COPB1: variants seen among roughly 807,000 people sequenced by gnomAD.
The protein encoded by COPB1 is coatomer subunit beta.
A neutral mutation model predicts 108.7 loss-of-function variants in COPB1; 21 were observed. The observed-to-expected ratio is 0.19, with a 90% CI of 0.14 to 0.28. The LOEUF (loss-of-function observed/expected upper bound fraction) is 0.28. Among genes scored for constraint, COPB1 ranks in the 10% least tolerant of loss-of-function variants. The probability of loss-of-function intolerance (pLI) is 1.00; values close to 1 mark genes in which losing one functional copy is unlikely to be tolerated. For synonymous variants in COPB1, 378 were observed against 386.8 expected, an observed-to-expected ratio of 0.98 and a Z score of 0.27; for missense variants, 919 against 1,141.3, an observed-to-expected ratio of 0.81 and a Z score of 2.81.
chr11:14,494,137 A>C, intron 3 of COPB1, 73 bp downstream of exon 3: 2 of 1,042,132 alleles, frequency 1.9e-6, no homozygotes, highest in Non-Finnish European at 2.8e-6. Flanking sequence ...TTAACAATTA[A>C]AACACAGCCC....
At position 14,481,009 on chromosome 11, in the gene COPB1, G is replaced by A; in HGVS notation, c.1046C>T (p.Ser349Phe). 2 of 1,613,920 alleles carry A rather than the reference G, an allele frequency of 1.2e-6. No homozygotes were observed. Among genetic ancestry groups the A allele is most frequent in the Non-Finnish European group, 1.7e-6 (2 of 1,179,902 alleles). ...TTTTACCTCTTCAACATTTCTAGAA[G>A]AGACAAGATCCAGTGCTAACTGCAG... ...KTLQLALDLV[S>F]SRNVEELVIV... is the part of the protein sequence containing the mutation. The change falls in exon 9 of 22, where the codon TCT (serine) becomes TTT (phenylalanine). Residue 349 changes from serine to phenylalanine, a missense_variant. By Grantham distance (155) the Ser-to-Phe change is radical (BLOSUM62 -2). This residue lies in a region of COPB1 where 705 missense variants were observed against 817.8 expected (regional missense o/e 0.86). Transcript: ENST00000439561.
At chr11:14,470,741 T>C (rs1482326248) in intron 14 of COPB1, among the ~76,000 whole-genome samples, 1 of 151,872 alleles carries the variant, frequency 6.6e-6, no homozygotes, top group Non-Finnish European at 1.5e-5. Flanking sequence ...AGGAAATGAC[T>C]GAAAATTTCC....
chr11:14,482,828 G>A lies in COPB1; in HGVS notation c.957+204C>T, dbSNP rs116994499. Reference sequence around the variant, plus strand: ...TGGGATTACAGGCGTGAGCCACCGCGTCCAGCCATTTTAGAAATATTTTTT... The same window carrying A: ...TGGGATTACAGGCGTGAGCCACCGCATCCAGCCATTTTAGAAATATTTTTT... On this transcript the variant is annotated intron_variant, in intron 8 of 21. Transcript: ENST00000439561. Among the ~76,000 whole-genome samples the A allele has an allele frequency of 9.2e-3, 1,394 of 152,238 alleles. 59 individuals carry two copies. The East Asian group carries it at 0.11, about 12-fold the overall frequency.
At position 14,498,950 on chromosome 11, in the gene COPB1, C is replaced by CAG; in HGVS notation, c.-23_-22insCT. ...TCATGGTTTCTGGTTATATTATAACCAATCCTTGACACAAGATTTAAGGAT... is the reference window on the plus strand; with the variant it reads ...TCATGGTTTCTGGTTATATTATAACCAGAATCCTTGACACAAGATTTAAGGAT... On this transcript the variant is annotated 5_prime_UTR_variant, in exon 2 of 22. Transcript: ENST00000439561. 6.4e-7 allele frequency: 1 copy of CAG among 1,565,852 alleles called. No individual in the cohort carries two copies. The highest frequency in any genetic ancestry group is 8.7e-7 in the Non-Finnish European group (1 of 1,152,410).
intron 18 of COPB1, among the ~76,000 whole-genome samples, chr11:14,462,879 C>T (rs1565011236): frequency 2.0e-5 from 3 of 152,166 alleles, no homozygotes; most frequent in Non-Finnish European, 2.9e-5. Flanking sequence ...AATCCTCACT[C>T]ATTCTTGCCT....
chr11:14,476,401 A>C (rs1850520232), intron 12 of COPB1, among the ~76,000 whole-genome samples: 1 of 152,210 alleles, frequency 6.6e-6, no homozygotes, highest in African/African-American at 2.4e-5. Flanking sequence ...TAACTTTTAA[A>C]TTAACTGAAT....
In COPB1 at chr11:14,474,529, T is replaced by C. The variant is rs755994373; in HGVS notation, c.1703A>G (p.Tyr568Cys). 3.1e-6 allele frequency: 5 copies of C among 1,613,934 alleles called. No individual in the cohort carries two copies. The highest frequency in any genetic ancestry group is 2.2e-5 in the East Asian group (1 of 44,878). Residue 568 changes from tyrosine (Y) to cysteine (C), a missense_variant, in exon 14 of 22, where the codon TAT (tyrosine) becomes TGT (cysteine). This residue lies in a region of COPB1 where 705 missense variants were observed against 817.8 expected (regional missense o/e 0.86). Transcript: ENST00000439561. ...TTTCTTCTCCTGAACCAAAGCTACA[T>C]AGCGCAATGCAATCTTGGTCAGAGT... ...ATTLTKIALR[Y>C]VALVQEKKKQ...
In COPB1 at chr11:14,477,109, G is replaced by GATGTATTATTTTAATGTAAAAAGTAATT. The variant is rs1850537488; in HGVS notation, c.1359-95_1359-94insAATTACTTTTTACATTAAAATAATACAT. The GATGTATTATTTTAATGTAAAAAGTAATT allele has an allele frequency of 4.4e-6, 4 of 910,858 alleles. No individual in the cohort carries two copies. The Admixed American group carries it at 7.2e-5, about 16-fold the overall frequency. The allele number at this position is 910,858 out of a possible 1,614,324, so 56.4% of individuals were successfully genotyped here. A position where few individuals can be genotyped will look rare whatever the true frequency, so the allele number is the denominator to read the frequency against. ...AATTTAAGCTCAAATAAAAACAAGG[G>GATGTATTATTTTAATGTAAAAAGTAATT]CCAGGCACTCACGCCTGTAATCCCA... On this transcript the variant is annotated intron_variant, in intron 11 of 21. Coordinates refer to ENST00000439561, the MANE Select transcript of COPB1 (RefSeq NM_001144061.2).
chr11:14,481,566 G>A (rs1235233167), intron 8 of COPB1, among the ~76,000 whole-genome samples: 1 of 152,140 alleles, frequency 6.6e-6, no homozygotes, highest in Non-Finnish European at 1.5e-5. Context: ...TAAACAAAAA[G>A]GGCTTTTGGG....
intron 4 of COPB1, among the ~76,000 whole-genome samples, chr11:14,491,170 G>A (rs1850893092): frequency 6.6e-6 from 1 of 151,952 alleles, no homozygotes; most frequent in African/African-American, 2.4e-5. Context: ...TCAGCCTCCT[G>A]AGTATCTGGG....
At chr11:14,464,842 C>T in intron 18 of COPB1, 69 bp downstream of exon 18, 1 of 1,534,772 alleles carries the variant, frequency 6.5e-7, no homozygotes. Flanking sequence ...ACAATGTCCC[C>T]AGCTACTCAC....
intron 2 of COPB1, among the ~76,000 whole-genome samples, chr11:14,497,609 A>T (rs1257216254): frequency 2.0e-5 from 3 of 152,210 alleles, no homozygotes; most frequent in African/African-American, 7.2e-5. Flanking sequence ...AAACTAGTAT[A>T]CCCACTATGG....
At chr11:14,463,302 T>C (rs529012050) in intron 18 of COPB1, among the ~76,000 whole-genome samples, 3 of 152,236 alleles carry the variant, frequency 2.0e-5, no homozygotes, top group African/African-American at 4.8e-5. Flanking sequence ...CAAATACTTA[T>C]CTCTAGTTTA....
At chr11:14,463,863 T>C (rs951038574) in intron 18 of COPB1, among the ~76,000 whole-genome samples, 3 of 152,200 alleles carry the variant, frequency 2.0e-5, no homozygotes, top group Non-Finnish European at 4.4e-5. Flanking sequence ...CTTAATATTA[T>C]ATTCATCCTT....
At chr11:14,481,994 A>G (rs752186903) in intron 8 of COPB1, among the ~76,000 whole-genome samples, 1 of 151,932 alleles carries the variant, frequency 6.6e-6, no homozygotes, top group Non-Finnish European at 1.5e-5. Flanking sequence ...GTTTCACCAT[A>G]TTTGTCAGGG....
At chr11:14,475,505 T>G (rs531975527) in intron 13 of COPB1, among the ~76,000 whole-genome samples, 25 of 152,318 alleles carry the variant, frequency 1.6e-4, no homozygotes, top group African/African-American at 6.0e-4. Flanking sequence ...AACTCAAATA[T>G]CTTCAGTTAC....
intron 5 of COPB1, 47 bp from the exon 6 acceptor site, chr11:14,488,631 G>A (rs747954866): frequency 1.5e-6 from 2 of 1,291,142 alleles, no homozygotes; most frequent in Non-Finnish European, 2.2e-6. Context: ...TCATTCAATA[G>A]AAGGACTTAA....
At chr11:14,473,653 A>G (rs1850457945) in intron 14 of COPB1, among the ~76,000 whole-genome samples, 1 of 152,182 alleles carries the variant, frequency 6.6e-6, no homozygotes, top group Admixed American at 6.5e-5. Context: ...CAAAACAACT[A>G]TGATAGTAAC....
At chr11:14,472,075 A>C (rs140220801) in intron 14 of COPB1, among the ~76,000 whole-genome samples, 1 of 152,348 alleles carries the variant, frequency 6.6e-6, no homozygotes, top group Non-Finnish European at 1.5e-5. Flanking sequence ...CCATTGCTAC[A>C]GGCCCAATTT....
Sources: allele counts gnomAD v4.1 joint callset (sites outside exome capture counted in the v4.1 genomes callset), GRCh38; gene constraint gnomAD v4.1.1; regional missense constraint gnomAD v4.1.1; transcripts MANE v1.5; gene names NCBI Gene and HGNC (gene_info 2026-07-23, HGNC 2026-07-21).